Variants in ERO1A observed in about 807,000 individuals in gnomAD.
ERO1A encodes ERO1-like protein alpha.
In ERO1A, 49 loss-of-function variants were observed where a neutral mutation model predicts 76.9. The observed-to-expected ratio is 0.64, with a 90% CI of 0.51 to 0.81. The LOEUF (loss-of-function observed/expected upper bound fraction) is 0.81, where lower values mean the gene tolerates loss of function less well. ERO1A is among the 30% of genes least tolerant of loss of function. The pLI is 0.00. For missense variants in ERO1A, 448 were observed against 542.1 expected (o/e 0.83, Z 1.72); for synonymous variants, 174 against 181.2 (o/e 0.96, Z 0.32).
intron 11 of ERO1A, among the ~76,000 whole-genome samples, chr14:52,655,331 C>T (rs2040008450): frequency 6.6e-6 from 1 of 151,946 alleles, no homozygotes; most frequent in African/African-American, 2.4e-5. Context: ...CACCACTGCA[C>T]TCCAGCCTGG....
At chr14:52,658,652 G>C (rs977589064) in intron 9 of ERO1A, 3 of 152,748 alleles carry the variant, frequency 2.0e-5, no homozygotes, top group Non-Finnish European at 4.4e-5. Flanking sequence ...TAAACACCAA[G>C]TATCACTTAT....
chr14:52,679,508 G>A (rs1027613715), intron 3 of ERO1A, among the ~76,000 whole-genome samples: 125 of 151,808 alleles, frequency 8.2e-4, no homozygotes, highest in African/African-American at 2.8e-3. Context: ...CGCCTCCTGG[G>A]TTCAAATGAT....
rs80171197 is a variant in ERO1A, at chr14:52,643,266, T to C, written c.*304A>G. On this transcript the variant is annotated 3_prime_UTR_variant, in exon 16 of 16. Transcript: ENST00000395686. ...TACATATTATTACATAAAACGCTAG[T>C]TTGAGAGACTTAGAACATTCACTTT... The C allele has an allele frequency of 0.014, 2,636 of 190,948 alleles. 74 individuals carry two copies. Among genetic ancestry groups the C allele is most frequent in the African/African-American group, 0.057 (2,447 of 43,272 alleles). 11.8% of individuals were successfully genotyped at this position (190,948 alleles called of 1,614,324 possible).
intron 11 of ERO1A, among the ~76,000 whole-genome samples, chr14:52,654,950 A>G (rs773010236): frequency 6.6e-6 from 1 of 152,252 alleles, no homozygotes; most frequent in Non-Finnish European, 1.5e-5. Context: ...GGTTTTAACT[A>G]GAGAGTTTGC....
At chr14:52,686,068 C>T (rs1401724944) in intron 1 of ERO1A, among the ~76,000 whole-genome samples, 2 of 152,148 alleles carry the variant, frequency 1.3e-5, no homozygotes, top group Middle Eastern at 3.2e-3. Context: ...AAAAATTAGC[C>T]GGGCATGGTG....
intron 11 of ERO1A, 109 bp from the exon 12 acceptor site, chr14:52,653,424 T>G (rs914345184): frequency 4.9e-6 from 4 of 811,376 alleles, no homozygotes; most frequent in Non-Finnish European, 3.6e-6. Context: ...GCATTTTAAG[T>G]TATATAATAA....
chr14:52,670,125 G>A (rs1456283516), intron 6 of ERO1A, among the ~76,000 whole-genome samples: 1 of 152,114 alleles, frequency 6.6e-6, no homozygotes, highest in Non-Finnish European at 1.5e-5. Flanking sequence ...ATGTTGCCCA[G>A]GCTAGGCTCA....
At chr14:52,681,016 T>G (rs1250222798) in intron 3 of ERO1A, among the ~76,000 whole-genome samples, 1 of 152,160 alleles carries the variant, frequency 6.6e-6, no homozygotes, top group Non-Finnish European at 1.5e-5. Context: ...GTGAAGAAAC[T>G]GGAACTCTTG....
chr14:52,686,615 C>T (rs2041184600), intron 1 of ERO1A, among the ~76,000 whole-genome samples: 1 of 152,140 alleles, frequency 6.6e-6, no homozygotes, highest in Non-Finnish European at 1.5e-5. Flanking sequence ...CAGTGGCTCA[C>T]GCCTGTAATC....
intron 11 of ERO1A, among the ~76,000 whole-genome samples, chr14:52,657,146 C>G (rs774935809): frequency 6.6e-6 from 1 of 152,202 alleles, no homozygotes; most frequent in Non-Finnish European, 1.5e-5. Flanking sequence ...GAAGTTACTA[C>G]CCTTTTCCTA....
chr14:52,689,943 A>G (rs1263322122), intron 1 of ERO1A, among the ~76,000 whole-genome samples: 1 of 152,156 alleles, frequency 6.6e-6, no homozygotes, highest in African/African-American at 2.4e-5. Flanking sequence ...ACATAGACCA[A>G]TGGAAAACAA....
intron 4 of ERO1A, among the ~76,000 whole-genome samples, chr14:52,675,933 C>T (rs972695738): frequency 1.3e-5 from 2 of 152,198 alleles, no homozygotes; most frequent in African/African-American, 4.8e-5. Flanking sequence ...GATCCTCCCA[C>T]CTCACCCTCC....
Position 52,643,314 on chromosome 14 carries a change from C to A in ERO1A, c.*256G>T. The A allele has an allele frequency of 4.7e-6, 1 of 213,844 alleles. No homozygotes were observed. Among genetic ancestry groups the A allele is most frequent in the Non-Finnish European group, 8.7e-6 (1 of 115,242 alleles). The allele number at this position is 213,844 out of a possible 1,614,324, so 13.2% of individuals were successfully genotyped here. A position where few individuals can be genotyped will look rare whatever the true frequency, so the allele number is the denominator to read the frequency against. On this transcript the variant is annotated 3_prime_UTR_variant, in exon 16 of 16. Coordinates refer to ENST00000395686, the MANE Select transcript of ERO1A (RefSeq NM_014584.3). ...TTTTATCATATATGAATTTGATAAT[C>A]CTCCTTTTATTCAATATTAAACTTT...
chr14:52,669,979 T>C (rs1324424527), intron 6 of ERO1A, among the ~76,000 whole-genome samples: 1 of 152,192 alleles, frequency 6.6e-6, no homozygotes, highest in Admixed American at 6.5e-5. Context: ...TGGAGTACAG[T>C]GGTGCAATCA....
At chr14:52,686,509 C>T (rs568404020) in intron 1 of ERO1A, among the ~76,000 whole-genome samples, 1 of 152,282 alleles carries the variant, frequency 6.6e-6, no homozygotes, top group Admixed American at 6.5e-5. Flanking sequence ...CAAAAATCCT[C>T]CAGAGCAGAG....
chr14:52,668,304 G>C (rs1323495786), intron 6 of ERO1A, among the ~76,000 whole-genome samples: 4 of 152,106 alleles, frequency 2.6e-5, no homozygotes, highest in African/African-American at 9.7e-5. Flanking sequence ...CCAGAACTTT[G>C]GGAGGCTGAG....
intron 1 of ERO1A, among the ~76,000 whole-genome samples, chr14:52,687,476 T>C (rs1853485429): frequency 6.6e-6 from 1 of 151,962 alleles, no homozygotes; most frequent in African/African-American, 2.4e-5. Context: ...TAAGGTAAAA[T>C]ACAGTTAATA....
Position 52,682,411 on chromosome 14 carries a change from G to T in ERO1A, c.235-3C>A. The T allele has an allele frequency of 3.2e-6, 5 of 1,584,972 alleles. No homozygotes were observed. Among genetic ancestry groups the T allele is most frequent in the Non-Finnish European group, 4.3e-6 (5 of 1,164,590 alleles). ...GGACACGGCCTCTTCAGGTTTACCTGTAAAATAATAATAGAAAAAAAATTA... is the reference window on the plus strand; with the variant it reads ...GGACACGGCCTCTTCAGGTTTACCTTTAAAATAATAATAGAAAAAAAATTA... On this transcript the variant is annotated splice_region_variant and splice_polypyrimidine_tract_variant and intron_variant, in intron 2 of 15. Transcript: ENST00000395686.
At position 52,695,484 on chromosome 14, in the gene ERO1A, C is replaced by A. The variant is rs202157479; in HGVS notation, c.-3G>T. 1.5e-3 allele frequency: 2,204 copies of A among 1,495,714 alleles called. 2 individuals carry two copies. The highest frequency in any genetic ancestry group is 1.8e-3 in the Non-Finnish European group (2,050 of 1,117,448). The allele number at this position is 1,495,714 out of a possible 1,614,324, so 92.7% of individuals were successfully genotyped here. On this transcript the variant is annotated 5_prime_UTR_variant, in exon 1 of 16. Coordinates refer to ENST00000395686, the MANE Select transcript of ERO1A (RefSeq NM_014584.3). ...AAGAATCCCCAGCCGCGGCCCATTG[C>A]AGCTCCGGCAGCTTGTCGCCCCACG...
Sources: allele counts gnomAD v4.1 joint callset (sites outside exome capture counted in the v4.1 genomes callset), GRCh38; gene constraint gnomAD v4.1.1; transcripts MANE v1.5; gene names NCBI Gene and HGNC (gene_info 2026-07-23, HGNC 2026-07-21).